ALK: variants seen among roughly 807,000 people sequenced by gnomAD.
ALK encodes the protein ALK tyrosine kinase receptor.
A neutral mutation model predicts 163.1 loss-of-function variants in ALK; 74 were observed. That is an observed-to-expected ratio of 0.45 (90% CI 0.38 to 0.55). The LOEUF (loss-of-function observed/expected upper bound fraction) is 0.55, where lower values mean the gene tolerates loss of function less well. ALK is among the 20% of genes least tolerant of loss of function. ALK has a pLI of 0.00. For synonymous variants in ALK, 960 were observed against 843.2 expected (o/e 1.14, Z -2.40); for missense variants, 2,063 against 2,105.3 (o/e 0.98, Z 0.39).
At chr2:29,515,177 A>AC (rs1292678706) in intron 4 of ALK, among the ~76,000 whole-genome samples, 1 of 151,832 alleles carries the variant, frequency 6.6e-6, no homozygotes, top group East Asian at 1.9e-4. Context: ...CATCTTTCAC[A>AC]CTTGAGTTCA....
chr2:29,611,055 C>T (rs1227396864), intron 3 of ALK, among the ~76,000 whole-genome samples: 1 of 152,156 alleles, frequency 6.6e-6, no homozygotes, highest in Non-Finnish European at 1.5e-5. Context: ...AGGTCACTAA[C>T]ACCAAAAGAG....
chr2:29,765,169 T>C (rs1184925515), intron 1 of ALK, among the ~76,000 whole-genome samples: 1 of 152,216 alleles, frequency 6.6e-6, no homozygotes, highest in African/African-American at 2.4e-5. Context: ...ATTTTATTTA[T>C]AAATTACCCA....
intron 1 of ALK, among the ~76,000 whole-genome samples, chr2:29,841,187 A>AC (rs1163227556): frequency 2.0e-5 from 3 of 152,044 alleles, no homozygotes; most frequent in Admixed American, 6.6e-5. Flanking sequence ...CCCTAACATT[A>AC]CCCCCATCAT....
At chr2:29,461,238 C>A (rs1671077269) in intron 4 of ALK, among the ~76,000 whole-genome samples, 1 of 152,286 alleles carries the variant, frequency 6.6e-6, no homozygotes, top group Non-Finnish European at 1.5e-5. Context: ...CATAAAAGTA[C>A]AAAGTGAAGC....
chr2:29,378,877 CT>C (rs941430213), intron 5 of ALK, among the ~76,000 whole-genome samples: 1 of 151,948 alleles, frequency 6.6e-6, no homozygotes. Context: ...TGCCTGGCTA[CT>C]TTTTTTGTAT....
At chr2:29,378,524 A>G (rs1668813309) in intron 5 of ALK, among the ~76,000 whole-genome samples, 1 of 152,208 alleles carries the variant, frequency 6.6e-6, no homozygotes, top group South Asian at 2.1e-4. Context: ...TTCTCTATCC[A>G]TAATAATGGG....
chr2:29,908,508 GTTT>G (rs764733954), intron 1 of ALK, among the ~76,000 whole-genome samples: 1 of 152,164 alleles, frequency 6.6e-6, no homozygotes, highest in East Asian at 1.9e-4. Flanking sequence ...TTCTGGAAGT[GTTT>G]TTATTTTTTA....
At chr2:29,735,317 T>A (rs1340171649) in intron 1 of ALK, among the ~76,000 whole-genome samples, 1 of 152,092 alleles carries the variant, frequency 6.6e-6, no homozygotes, top group African/African-American at 2.4e-5. Context: ...TTTGACTGAT[T>A]CTCTCCTAAG....
At chr2:29,697,247 C>T (rs552316212) in intron 2 of ALK, among the ~76,000 whole-genome samples, 5 of 152,204 alleles carry the variant, frequency 3.3e-5, no homozygotes, top group South Asian at 2.1e-4. Flanking sequence ...ATCTACCCTT[C>T]GATCTCCTCT....
In ALK at chr2:29,227,852, C is replaced by A. The variant is rs1432757408; in HGVS notation, c.2816-180G>T. ...CACAGAGGCTGCATGTGGGATTTGG[C>A]TCAGTAGATGCTGGGTGTGTGGCTA... On this transcript the variant is annotated intron_variant, in intron 16 of 28. Coordinates refer to ENST00000389048, the MANE Select transcript of ALK (RefSeq NM_004304.5). This position sits in a 1 kb window ranked among gnomAD's most constrained non-coding sequence, Gnocchi z 4.4. Among the ~76,000 whole-genome samples, 3 of 152,268 alleles carry A rather than the reference C, an allele frequency of 2.0e-5. No individual in the cohort carries two copies. Among genetic ancestry groups the A allele is most frequent in the Non-Finnish European group, 4.4e-5 (3 of 68,016 alleles).
At chr2:29,796,451 A>C (rs150906538) in intron 1 of ALK, among the ~76,000 whole-genome samples, 2,496 of 152,334 alleles carry the variant, frequency 0.016, 42 homozygotes, top group South Asian at 0.051. Flanking sequence ...ATCTGAACAA[A>C]TGGGAAGATG....
intron 2 of ALK, among the ~76,000 whole-genome samples, chr2:29,698,070 C>T (rs1245237303): frequency 2.0e-5 from 3 of 152,186 alleles, no homozygotes; most frequent in African/African-American, 7.2e-5. Flanking sequence ...ATCCTTCTGG[C>T]CCTAAGGTTA....
At chr2:29,475,685 TG>T (rs1017591712) in intron 4 of ALK, among the ~76,000 whole-genome samples, 3 of 152,284 alleles carry the variant, frequency 2.0e-5, no homozygotes, top group African/African-American at 4.8e-5. Context: ...CCTTTGGTCC[TG>T]GCCTCTCAGT....
chr2:29,497,279 G>GTA (rs1553322908), intron 4 of ALK, among the ~76,000 whole-genome samples: 1 of 147,954 alleles, frequency 6.8e-6, no homozygotes, highest in Non-Finnish European at 1.5e-5. Context: ...TCTCAAAAAA[G>GTA]AAAAAAAAAA....
chr2:29,374,468 C>G (rs1390459196), intron 5 of ALK, among the ~76,000 whole-genome samples: 3 of 149,010 alleles, frequency 2.0e-5, no homozygotes, highest in Non-Finnish European at 3.0e-5. Context: ...AATTGAGATA[C>G]AGAGATTTTA....
chr2:29,378,433 T>C (rs547595019), intron 5 of ALK, among the ~76,000 whole-genome samples: 1 of 152,148 alleles, frequency 6.6e-6, no homozygotes, highest in Non-Finnish European at 1.5e-5. Context: ...GCTAAGAACA[T>C]GGATTTTGGA....
At chr2:29,907,743 C>T (rs1002968772) in intron 1 of ALK, among the ~76,000 whole-genome samples, 2 of 152,154 alleles carry the variant, frequency 1.3e-5, no homozygotes, top group Admixed American at 6.5e-5. Flanking sequence ...ATAGCTCCCA[C>T]ATCGATATCT....
At chr2:29,792,368 G>C (rs1236983344) in intron 1 of ALK, among the ~76,000 whole-genome samples, 3 of 152,102 alleles carry the variant, frequency 2.0e-5, no homozygotes, top group Non-Finnish European at 4.4e-5. Flanking sequence ...TCAGTTTCAG[G>C]GGGAGGGTAG....
intron 1 of ALK, among the ~76,000 whole-genome samples, chr2:29,827,185 G>A (rs953240262): frequency 2.0e-5 from 3 of 152,346 alleles, no homozygotes; most frequent in East Asian, 3.9e-4. Context: ...GCAGCTCTGG[G>A]AGCATGGTTT....
Sources: allele counts gnomAD v4.1 joint callset (sites outside exome capture counted in the v4.1 genomes callset), GRCh38; gene constraint gnomAD v4.1.1; non-coding constraint Gnocchi (gnomAD v3.1); transcripts MANE v1.5; gene names NCBI Gene and HGNC (gene_info 2026-07-23, HGNC 2026-07-21).